Variants in RALGAPA1 observed in about 807,000 individuals in gnomAD.
The protein encoded by RALGAPA1 is Ral GTPase activating protein catalytic subunit alpha 1.
RALGAPA1 carries 52 observed loss-of-function variants against 269.6 expected under a neutral mutation model. That is an observed-to-expected ratio of 0.19 (90% confidence interval 0.15 to 0.24). RALGAPA1 has a LOEUF of 0.24. RALGAPA1 is among the 10% of genes least tolerant of loss of function. The pLI is 1.00. For missense variants in RALGAPA1, 1,917 were observed against 3,013.9 expected, an observed-to-expected ratio of 0.64 and a Z score of 8.52; for synonymous variants, 817 against 1,008.3, an observed-to-expected ratio of 0.81 and a Z score of 3.60.
At chr14:35,770,195 G>A (rs568465840) in intron 4 of RALGAPA1, among the ~76,000 whole-genome samples, 46 of 152,188 alleles carry the variant, frequency 3.0e-4, no homozygotes, top group African/African-American at 1.1e-3. Context: ...TCAATAGATG[G>A]AGAAAAAGCA....
At position 35,775,763 on chromosome 14, in the gene RALGAPA1, A is replaced by G. The variant is rs776088491; in HGVS notation, c.107-18T>C. On this transcript the variant is annotated intron_variant, in intron 1 of 41. Transcript: ENST00000680220. Reference sequence around the variant, plus strand: ...TGCATTCTCTGAAAAATAAAAAAAAATTACTGATTATTTACATGTATGTTA... The same window carrying G: ...TGCATTCTCTGAAAAATAAAAAAAAGTTACTGATTATTTACATGTATGTTA... 3 of 1,522,856 alleles carry G rather than the reference A, an allele frequency of 2.0e-6. No individual in the cohort carries two copies. The South Asian group carries it at 4.0e-5, about 20-fold the overall frequency. 94.3% of individuals were successfully genotyped at this position (1,522,856 alleles called of 1,614,324 possible).
chr14:35,645,346 GGTGTGTGTGTGTGTGTGTGTGTGTGTGT>G (rs58039867), intron 31 of RALGAPA1, among the ~76,000 whole-genome samples: 1 of 129,488 alleles, frequency 7.7e-6, no homozygotes, highest in African/African-American at 3.0e-5. Flanking sequence ...TATAGAGATG[GGTGTGTGTGTGTGTGTGTGTGTGTGTGT>G]GTGTGTGTGT....
At chr14:35,618,792 C>T (rs59628537) in intron 35 of RALGAPA1, among the ~76,000 whole-genome samples, 3,396 of 151,930 alleles carry the variant, frequency 0.022, 126 homozygotes, top group South Asian at 0.14. Context: ...ACCTAGAAAA[C>T]GTAATGGGGG....
chr14:35,689,031 CT>C lies in RALGAPA1; in HGVS notation c.3379del (p.Arg1127GlyfsTer7). 1 of 1,235,558 alleles carries C rather than the reference CT, an allele frequency of 8.1e-7. No homozygotes were observed. Among genetic ancestry groups the C allele is most frequent in the Non-Finnish European group, 1.0e-6 (1 of 990,004 alleles). The allele number at this position is 1,235,558 out of a possible 1,614,324, so 76.5% of individuals were successfully genotyped here. A position where few individuals can be genotyped will look rare whatever the true frequency, so the allele number is the denominator to read the frequency against. ...TSTSKLSPTK[R>X]SLSETVTHRA... ...ATGAGTTACTGTTTCAGACAAGCTC[CT>C]TTTAGTTGGAGAAAGTTTGCTAGTA... On this transcript the variant is annotated frameshift_variant, in exon 18 of 42. Transcript: ENST00000680220. LOFTEE classifies it high-confidence loss of function.
intron 28 of RALGAPA1, among the ~76,000 whole-genome samples, chr14:35,656,668 G>T (rs765590515): frequency 6.6e-6 from 1 of 152,114 alleles, no homozygotes; most frequent in Non-Finnish European, 1.5e-5. Context: ...AATTTTAGTG[G>T]AATGCTAAAC....
At position 35,541,040 on chromosome 14, in the gene RALGAPA1, ATTT is replaced by A. The variant is rs559979336; in HGVS notation, c.*24-1353_*24-1351del. On this transcript the variant is annotated intron_variant, in intron 41 of 41. Transcript: ENST00000680220. ...GAATATGTCTTTGCAGAACACTTCAATTTTTTTTTTTTTTTTTTTTTTTTGAGA... is the reference window on the plus strand; with the variant it reads ...GAATATGTCTTTGCAGAACACTTCAATTTTTTTTTTTTTTTTTTTTTGAGA... Among the ~76,000 whole-genome samples the A allele has an allele frequency of 2.6e-3, 232 of 89,144 alleles. 1 individual carries two copies. The highest frequency in any genetic ancestry group is 0.013 in the African/African-American group (223 of 17,782). The allele number at this position is 89,144 out of a possible 152,430, so 58.5% of individuals were successfully genotyped here. A position where few individuals can be genotyped will look rare whatever the true frequency, so the allele number is the denominator to read the frequency against.
chr14:35,657,866 T>A (rs1205603715), intron 28 of RALGAPA1, among the ~76,000 whole-genome samples: 2 of 152,134 alleles, frequency 1.3e-5, no homozygotes, highest in Non-Finnish European at 2.9e-5. Flanking sequence ...GTTCTAGTTT[T>A]CTTTTCTATT....
chr14:35,594,428 G>A (rs2058813652), intron 37 of RALGAPA1, among the ~76,000 whole-genome samples: 1 of 151,880 alleles, frequency 6.6e-6, no homozygotes. Context: ...TAGCAGAAAA[G>A]CAAATAAACG....
chr14:35,578,539 T>C (rs993366506), intron 37 of RALGAPA1, among the ~76,000 whole-genome samples: 3 of 152,204 alleles, frequency 2.0e-5, no homozygotes, highest in African/African-American at 4.8e-5. Context: ...ACTTGCTGTT[T>C]AGATTATTCA....
intron 31 of RALGAPA1, among the ~76,000 whole-genome samples, chr14:35,643,659 T>A (rs900887971): frequency 6.6e-6 from 1 of 152,134 alleles, no homozygotes; most frequent in Non-Finnish European, 1.5e-5. Flanking sequence ...GATGAATGGA[T>A]AAAGAAAAGT....
chr14:35,552,017 C>T (rs1479817558), intron 39 of RALGAPA1, among the ~76,000 whole-genome samples: 3 of 152,000 alleles, frequency 2.0e-5, no homozygotes, highest in Non-Finnish European at 4.4e-5. Context: ...TTTGGGGGGT[C>T]AAACACTGTT....
chr14:35,728,307 T>C, intron 13 of RALGAPA1, 55 bp downstream of exon 13: 2 of 1,375,196 alleles, frequency 1.5e-6, no homozygotes, highest in Non-Finnish European at 9.5e-7. Flanking sequence ...TAAAAATTAC[T>C]ATACCTGTGT....
intron 6 of RALGAPA1, among the ~76,000 whole-genome samples, chr14:35,758,202 C>T (rs1346791701): frequency 1.4e-5 from 2 of 142,936 alleles, no homozygotes; most frequent in Non-Finnish European, 3.0e-5. Context: ...CGAGATCGCA[C>T]CACTGCACTC....
chr14:35,701,506 T>A (rs2067349477), intron 16 of RALGAPA1, among the ~76,000 whole-genome samples: 1 of 152,186 alleles, frequency 6.6e-6, no homozygotes, highest in Admixed American at 6.5e-5. Context: ...CACTCAGAAT[T>A]TTATAATGTT....
chr14:35,569,788 G>A (rs1348628053), intron 39 of RALGAPA1, among the ~76,000 whole-genome samples: 1 of 152,034 alleles, frequency 6.6e-6, no homozygotes, highest in Non-Finnish European at 1.5e-5. Context: ...GAGACCCCTT[G>A]TTACTATATT....
intron 32 of RALGAPA1, among the ~76,000 whole-genome samples, chr14:35,635,167 G>A (rs916347428): frequency 5.9e-5 from 8 of 135,608 alleles, no homozygotes; most frequent in African/African-American, 1.0e-4. Flanking sequence ...GTGAAACTCC[G>A]TTTCAATAAA....
chr14:35,587,082 C>T (rs555290269), intron 37 of RALGAPA1, among the ~76,000 whole-genome samples: 20 of 152,238 alleles, frequency 1.3e-4, no homozygotes, highest in Admixed American at 5.9e-4. Context: ...GCTGTGAATC[C>T]GTCTGGTCCT....
At chr14:35,551,114 A>G (rs992615893) in intron 39 of RALGAPA1, among the ~76,000 whole-genome samples, 1 of 152,196 alleles carries the variant, frequency 6.6e-6, no homozygotes, top group African/African-American at 2.4e-5. Context: ...TGTACAAAAA[A>G]TACTGGCCTT....
At chr14:35,795,941 A>C (rs1015683111) in intron 1 of RALGAPA1, among the ~76,000 whole-genome samples, 25 of 152,120 alleles carry the variant, frequency 1.6e-4, no homozygotes, top group African/African-American at 5.6e-4. Context: ...CCCTGCCCCC[A>C]AAAACAGAAC....
Sources: allele counts gnomAD v4.1 joint callset (sites outside exome capture counted in the v4.1 genomes callset), GRCh38; gene constraint gnomAD v4.1.1; transcripts MANE v1.5; gene names NCBI Gene and HGNC (gene_info 2026-07-23, HGNC 2026-07-21).